Variants in PKIB observed in about 807,000 individuals in gnomAD.
PKIB encodes the protein PKI-beta.
PKIB carries 2 observed loss-of-function variants against 4.5 expected under a neutral mutation model. The ratio of observed to expected loss-of-function variants is 0.44; its 90% CI spans 0.18 to 1.39. The LOEUF is 1.39. PKIB is among the 40% of genes most tolerant of loss of function. The pLI, the probability that PKIB is intolerant of heterozygous loss-of-function variation, is 0.27. For missense variants in PKIB, 94 were observed against 92.6 expected (o/e 1.02, Z -0.06); for synonymous variants, 38 against 36.0 (o/e 1.06, Z -0.20).
intron 2 of PKIB, among the ~76,000 whole-genome samples, chr6:122,673,375 T>C (rs561929117): frequency 6.6e-6 from 1 of 152,326 alleles, no homozygotes; most frequent in South Asian, 2.1e-4. Flanking sequence ...CTTAATCATG[T>C]CTTTTAGGTG....
chr6:122,711,436 C>T (rs1285843116), intron 3 of PKIB, among the ~76,000 whole-genome samples: 2 of 152,142 alleles, frequency 1.3e-5, no homozygotes, highest in Non-Finnish European at 2.9e-5. Flanking sequence ...TGGACTATAT[C>T]ATCTTTTCAA....
At chr6:122,485,030 CT>C (rs1235963251) in intron 2 of PKIB, among the ~76,000 whole-genome samples, 1 of 152,156 alleles carries the variant, frequency 6.6e-6, no homozygotes, top group Non-Finnish European at 1.5e-5. Context: ...CTGTACCTCA[CT>C]TCCAATTTCT....
At chr6:122,511,733 C>T (rs12202246) in intron 2 of PKIB, among the ~76,000 whole-genome samples, 20,866 of 152,186 alleles carry the variant, frequency 0.14, 1,552 homozygotes, top group East Asian at 0.26. Context: ...GAAGCAGATG[C>T]TCAGGGCGAA....
chr6:122,684,413 A>C (rs1778016600), intron 3 of PKIB, among the ~76,000 whole-genome samples: 1 of 152,050 alleles, frequency 6.6e-6, no homozygotes, highest in Admixed American at 6.5e-5. Flanking sequence ...ATAAAGACCT[A>C]GCCCTCAATC....
chr6:122,601,663 AATG>A (rs1288239144), intron 3 of PKIB, among the ~76,000 whole-genome samples: 1 of 152,114 alleles, frequency 6.6e-6, no homozygotes, highest in Non-Finnish European at 1.5e-5. Context: ...AGACCTTTAT[AATG>A]ATGGATTTCC....
At chr6:122,693,733 C>T (rs1006085723) in intron 3 of PKIB, among the ~76,000 whole-genome samples, 1 of 152,140 alleles carries the variant, frequency 6.6e-6, no homozygotes, top group South Asian at 2.1e-4. Flanking sequence ...ATCTACTTTC[C>T]ACCCTTAGAA....
At chr6:122,665,754 G>T (rs1247620679) in intron 2 of PKIB, among the ~76,000 whole-genome samples, 1 of 152,156 alleles carries the variant, frequency 6.6e-6, no homozygotes, top group South Asian at 2.1e-4. Flanking sequence ...CTGGTCCTAT[G>T]CATATAACTG....
At chr6:122,560,889 C>A (rs116620877) in intron 2 of PKIB, among the ~76,000 whole-genome samples, 1,937 of 152,004 alleles carry the variant, frequency 0.013, 45 homozygotes, top group African/African-American at 0.044. Flanking sequence ...GTTGTAATGT[C>A]TTCTGTTTGA....
intron 2 of PKIB, among the ~76,000 whole-genome samples, chr6:122,671,886 T>A (rs1777478704): frequency 6.6e-6 from 1 of 152,198 alleles, no homozygotes; most frequent in East Asian, 1.9e-4. Context: ...AAAACTCAAG[T>A]TAGAAAATAT....
At chr6:122,554,615 A>G (rs1410591268) in intron 2 of PKIB, among the ~76,000 whole-genome samples, 1 of 152,206 alleles carries the variant, frequency 6.6e-6, no homozygotes, top group African/African-American at 2.4e-5. Context: ...CTGTCTATCA[A>G]AGGTCATACA....
intron 2 of PKIB, among the ~76,000 whole-genome samples, chr6:122,502,406 C>T (rs1042330953): frequency 1.3e-5 from 2 of 151,768 alleles, no homozygotes; most frequent in African/African-American, 4.8e-5. Context: ...TTAATTGACT[C>T]ACAGTTCTGC....
intron 3 of PKIB, among the ~76,000 whole-genome samples, chr6:122,682,451 T>C (rs1384487188): frequency 6.6e-6 from 1 of 152,186 alleles, no homozygotes; most frequent in Non-Finnish European, 1.5e-5. Context: ...AAATAATTTA[T>C]TTAAAGTATT....
Position 122,722,403 on chromosome 6 carries a change from C to T in PKIB, c.170-2725C>T, listed in dbSNP as rs1194210125. Among the ~76,000 whole-genome samples the T allele has an allele frequency of 3.3e-5, 5 of 152,062 alleles. No individual in the cohort carries two copies. In the East Asian group the frequency reaches 5.8e-4, roughly 18 times the overall value. Reference sequence around the variant, plus strand: ...TAAATGATATCCTGTTAGTTTTCATCTAATTATTATCTTGAGTTCCTAGTT... The same window carrying T: ...TAAATGATATCCTGTTAGTTTTCATTTAATTATTATCTTGAGTTCCTAGTT... On this transcript the variant is annotated intron_variant, in intron 4 of 4. Coordinates refer to ENST00000368452, the MANE Select transcript of PKIB (RefSeq NM_181795.3).
At chr6:122,570,021 A>G (rs1773312912) in intron 2 of PKIB, among the ~76,000 whole-genome samples, 1 of 152,174 alleles carries the variant, frequency 6.6e-6, no homozygotes, top group African/African-American at 2.4e-5. Flanking sequence ...ACAGGAATGC[A>G]ACATGGATGC....
At chr6:122,586,424 C>G (rs139727636) in intron 3 of PKIB, among the ~76,000 whole-genome samples, 1 of 152,200 alleles carries the variant, frequency 6.6e-6, no homozygotes, top group African/African-American at 2.4e-5. Context: ...TTACAAATTA[C>G]GTTGTCTTTA....
At chr6:122,520,990 C>G (rs1413474863) in intron 2 of PKIB, among the ~76,000 whole-genome samples, 6 of 152,086 alleles carry the variant, frequency 3.9e-5, no homozygotes, top group African/African-American at 1.2e-4. Context: ...ACGGATGAGG[C>G]AAAACTTTGT....
At chr6:122,507,684 T>C (rs1022246554) in intron 2 of PKIB, among the ~76,000 whole-genome samples, 1 of 151,000 alleles carries the variant, frequency 6.6e-6, no homozygotes, top group South Asian at 2.1e-4. Context: ...TTTTTTTTTT[T>C]GGAATTTTGT....
Position 122,560,059 on chromosome 6 carries a change from C to T in PKIB, c.-247-25862C>T, listed in dbSNP as rs562896978. ...TCTTTCTCTTGTTTGATTGCTCTGG[C>T]TAGGACTTCCAGTACTATGTTGAAG... On this transcript the variant is annotated intron_variant, in intron 2 of 6. Transcript: ENST00000392491. Among the ~76,000 whole-genome samples, 4 of 152,228 alleles carry T rather than the reference C, an allele frequency of 2.6e-5. No individual in the cohort carries two copies. The East Asian group carries it at 7.7e-4, about 29-fold the overall frequency.
chr6:122,694,910 T>G (rs1156936830), intron 3 of PKIB, among the ~76,000 whole-genome samples: 1 of 152,216 alleles, frequency 6.6e-6, no homozygotes, highest in Non-Finnish European at 1.5e-5. Context: ...TGTCTTACTG[T>G]ATAGAAATGA....
Sources: allele counts gnomAD v4.1 joint callset (sites outside exome capture counted in the v4.1 genomes callset), GRCh38; gene constraint gnomAD v4.1.1; transcripts MANE v1.5; gene names NCBI Gene and HGNC (gene_info 2026-07-23, HGNC 2026-07-21).